UMPS: variants seen among roughly 807,000 people sequenced by gnomAD.
UMPS encodes the protein uridine 5'-monophosphate synthase.
A neutral mutation model predicts 38.9 loss-of-function variants in UMPS; 21 were observed. The ratio of observed to expected loss-of-function variants is 0.54; its 90% CI spans 0.38 to 0.78. UMPS has a LOEUF of 0.78. Ranked by LOEUF, UMPS falls within the 30% of genes least tolerant of loss-of-function variation. The pLI is 0.00. For synonymous variants in UMPS, 208 were observed against 219.3 expected (o/e 0.95, Z 0.45); for missense variants, 533 against 591.6 (o/e 0.90, Z 1.03).
In UMPS at chr3:124,733,601, G is replaced by A. The variant is rs1049567556; in HGVS notation, c.157-1492G>A. The A allele has an allele frequency of 2.7e-5, 5 of 188,480 alleles. No homozygotes were observed. The East Asian group carries it at 6.1e-4, about 23-fold the overall frequency. The allele number at this position is 188,480 out of a possible 1,614,324, so 11.7% of individuals were successfully genotyped here. A position where few individuals can be genotyped will look rare whatever the true frequency, so the allele number is the denominator to read the frequency against. ...AACATAGGAGGCAAAGTTGCTCACT[G>A]CAGTAATGTCCCTGACTGCTGCGGC... On this transcript the variant is annotated intron_variant, in intron 1 of 5. Transcript: ENST00000232607.
Position 124,730,470 on chromosome 3 carries a change from C to G in UMPS, c.-2C>G, listed in dbSNP as rs1312308253. On this transcript the variant is annotated 5_prime_UTR_variant, in exon 1 of 6. Transcript: ENST00000232607. ...TTTGAAGCAAACAGGCAGCGCGCGA[C>G]AATGGCGGTCGCTCGTGCAGCTTTG... The G allele has an allele frequency of 6.2e-7, 1 of 1,613,974 alleles. No individual in the cohort carries two copies. The highest frequency in any genetic ancestry group is 8.5e-7 in the Non-Finnish European group (1 of 1,179,966).
intron 4 of UMPS, among the ~76,000 whole-genome samples, chr3:124,741,807 G>A (rs1445661858): frequency 6.6e-6 from 1 of 152,166 alleles, no homozygotes; most frequent in African/African-American, 2.4e-5. Context: ...GAGTCTTAAT[G>A]AAGCAGATGT....
chr3:124,731,432 G>C, intron 1 of UMPS: 2 of 353,248 alleles, frequency 5.7e-6, no homozygotes, highest in South Asian at 4.8e-5. Context: ...TAATGTACCT[G>C]GAATGTGTGA....
rs940517789 is a variant in UMPS, at chr3:124,747,915, C to G, written c.*3831C>G. The G allele has an allele frequency of 6.6e-6, 3 of 453,802 alleles. No homozygotes were observed. Among genetic ancestry groups the G allele is most frequent in the African/African-American group, 2.0e-5 (1 of 49,988 alleles). The allele number at this position is 453,802 out of a possible 1,614,324, so 28.1% of individuals were successfully genotyped here. The stretch of plus-strand genomic sequence containing the variant: ...GACCATGAGTAACCCTGTGGACTCT[C>G]TGCAGCTTGGTTCCTTTGCCCCTTA... On this transcript the variant is annotated 3_prime_UTR_variant, in exon 6 of 6. Transcript: ENST00000232607.
rs143565655 is a variant in UMPS, at chr3:124,748,863, A to T, written c.*4779A>T. 12 of 418,914 alleles carry T rather than the reference A, an allele frequency of 2.9e-5. No individual in the cohort carries two copies. The highest frequency in any genetic ancestry group is 2.0e-4 in the African/African-American group (10 of 48,792). The allele number at this position is 418,914 out of a possible 1,614,324, so 25.9% of individuals were successfully genotyped here. ...AGCTGAATTCTCCTGTTTTTCTGAA[A>T]AGGGCATGGGAGTTAGCTGAGAAGC... On this transcript the variant is annotated 3_prime_UTR_variant, in exon 6 of 6. Coordinates refer to ENST00000232607, the MANE Select transcript of UMPS (RefSeq NM_000373.4).
chr3:124,747,199 A>T lies in UMPS; in HGVS notation c.*3115A>T, dbSNP rs1392510821. On this transcript the variant is annotated 3_prime_UTR_variant, in exon 6 of 6. Coordinates refer to ENST00000232607, the MANE Select transcript of UMPS (RefSeq NM_000373.4). ...ACCACCACAGCTGGTTAATTTTTAA[A>T]ATTTTTTGTAGAGACGGTGGAGGAG... The T allele has an allele frequency of 8.8e-6, 4 of 453,340 alleles. No individual in the cohort carries two copies. The East Asian group carries it at 2.8e-4, about 32-fold the overall frequency. The allele number at this position is 453,340 out of a possible 1,614,324, so 28.1% of individuals were successfully genotyped here.
chr3:124,732,967 GGTGTGT>G (rs61383415), intron 1 of UMPS, among the ~76,000 whole-genome samples: 9 of 147,734 alleles, frequency 6.1e-5, no homozygotes, highest in African/African-American at 2.0e-4. Flanking sequence ...ACTAGATCAT[GGTGTGT>G]GTGTGTGTGT....
Position 124,738,116 on chromosome 3 carries a change from T to C in UMPS, c.859T>C (p.Leu287=), listed in dbSNP as rs17843819. ...CATGCTGAAGACTCATGTAGATATTTTGAATGATTTTACTCTGGATGTGAT... is the reference window on the plus strand; with the variant it reads ...CATGCTGAAGACTCATGTAGATATTCTGAATGATTTTACTCTGGATGTGAT... The part of the protein sequence containing the change: ...ICMLKTHVDI[L]NDFTLDVMKE... Residue 287 remains leucine, a synonymous_variant, in exon 3 of 6, where the codon TTG becomes CTG. Transcript: ENST00000232607. 7.4e-6 allele frequency: 12 copies of C among 1,614,100 alleles called. No homozygotes were observed. Among genetic ancestry groups the C allele is most frequent in the South Asian group, 2.2e-5 (2 of 91,086 alleles).
At chr3:124,738,788 TTTTTC>T (rs1256830807) in intron 3 of UMPS, 5 of 155,144 alleles carry the variant, frequency 3.2e-5, no homozygotes, top group African/African-American at 1.2e-4. Context: ...TATTTAAAGA[TTTTTC>T]TTTTATCAAA....
At position 124,746,859 on chromosome 3, in the gene UMPS, T is replaced by C. The variant is rs2063605074; in HGVS notation, c.*2775T>C. On this transcript the variant is annotated 3_prime_UTR_variant, in exon 6 of 6. Coordinates refer to ENST00000232607, the MANE Select transcript of UMPS (RefSeq NM_000373.4). ...CTATTTGGTGCACTTCCTCTTATTT[T>C]AGAGCTCCCAAAGTGTAGCTCCAGA... is the stretch of plus-strand genomic sequence containing the variant. 2.2e-6 allele frequency: 1 copy of C among 452,792 alleles called. No individual in the cohort carries two copies. The highest frequency in any genetic ancestry group is 4.4e-6 in the Non-Finnish European group (1 of 225,910). 28.0% of individuals were successfully genotyped at this position (452,792 alleles called of 1,614,324 possible). A position where few individuals can be genotyped will look rare whatever the true frequency, so the allele number is the denominator to read the frequency against.
At chr3:124,730,962 C>G (rs902601169) in intron 1 of UMPS, among the ~76,000 whole-genome samples, 1 of 152,140 alleles carries the variant, frequency 6.6e-6, no homozygotes, top group Non-Finnish European at 1.5e-5. Context: ...GGCGTGGTGC[C>G]TCATGAGAGT....
At chr3:124,741,043 G>A (rs886348789) in intron 4 of UMPS, among the ~76,000 whole-genome samples, 8 of 152,090 alleles carry the variant, frequency 5.3e-5, no homozygotes, top group Admixed American at 4.6e-4. Flanking sequence ...TAGAAGTAAA[G>A]GATTTCCATT....
rs1487173053 is a variant in UMPS, at chr3:124,746,921, G to A, written c.*2837G>A. ...ATATGCTCAGTCTCACAGCCAGCCT[G>A]TGGATCTCAGTCCCAACACTCACCC... On this transcript the variant is annotated 3_prime_UTR_variant, in exon 6 of 6. Coordinates refer to ENST00000232607, the MANE Select transcript of UMPS (RefSeq NM_000373.4). 2.2e-6 allele frequency: 1 copy of A among 453,870 alleles called. No individual in the cohort carries two copies. The allele number at this position is 453,870 out of a possible 1,614,324, so 28.1% of individuals were successfully genotyped here.
intron 5 of UMPS, among the ~76,000 whole-genome samples, chr3:124,743,447 C>T (rs1413552283): frequency 6.6e-6 from 1 of 151,528 alleles, no homozygotes; most frequent in Non-Finnish European, 1.5e-5. Context: ...ACCATCCTGG[C>T]TAACACGGTG....
chr3:124,742,697 A>G (rs9832767), intron 5 of UMPS: 5,480 of 171,806 alleles, frequency 0.032, 175 homozygotes, highest in African/African-American at 0.079. Flanking sequence ...ATGCTTCTGA[A>G]ACAGCGGAAT....
chr3:124,737,705 A>G lies in UMPS; in HGVS notation c.448A>G (p.Ile150Val), dbSNP rs2063527354. 3 of 1,614,224 alleles carry G rather than the reference A, an allele frequency of 1.9e-6. No homozygotes were observed. Among genetic ancestry groups the G allele is most frequent in the Non-Finnish European group, 2.5e-6 (3 of 1,180,038 alleles). ...GGAGGGCTTGAAGGTCACTGATGCC[A>G]TAGTGCTGTTGGACAGAGAGCAGGG... is the stretch of plus-strand genomic sequence containing the variant. ...QKEGLKVTDAIVLLDREQGGK... is the reference protein window; with the variant it reads ...QKEGLKVTDAVVLLDREQGGK... The change falls in exon 3 of 6, where the codon ATA becomes GTA. Residue 150 changes from isoleucine to valine, a missense_variant. Transcript: ENST00000232607.
Position 124,745,944 on chromosome 3 carries a change from T to G in UMPS, c.*1860T>G. The G allele has an allele frequency of 2.2e-6, 1 of 454,096 alleles. No individual in the cohort carries two copies. Among genetic ancestry groups the G allele is most frequent in the Non-Finnish European group, 4.4e-6 (1 of 226,784 alleles). The allele number at this position is 454,096 out of a possible 1,614,324, so 28.1% of individuals were successfully genotyped here. A position where few individuals can be genotyped will look rare whatever the true frequency, so the allele number is the denominator to read the frequency against. On this transcript the variant is annotated 3_prime_UTR_variant, in exon 6 of 6. Coordinates refer to ENST00000232607, the MANE Select transcript of UMPS (RefSeq NM_000373.4). ...CAGGTACCAGCCCCACCCGCAGCGTTTCTGACTCTGGGTAGCTCTGGGATG... is the reference window on the plus strand; with the variant it reads ...CAGGTACCAGCCCCACCCGCAGCGTGTCTGACTCTGGGTAGCTCTGGGATG...
rs1273862802 is a variant in UMPS, at chr3:124,745,928, GCCCCAC to G, written c.*1847_*1852del. 2.2e-6 allele frequency: 1 copy of G among 453,970 alleles called. No homozygotes were observed. Among genetic ancestry groups the G allele is most frequent in the Non-Finnish European group, 4.4e-6 (1 of 226,776 alleles). 28.1% of individuals were successfully genotyped at this position (453,970 alleles called of 1,614,324 possible). On this transcript the variant is annotated 3_prime_UTR_variant, in exon 6 of 6. Coordinates refer to ENST00000232607, the MANE Select transcript of UMPS (RefSeq NM_000373.4). The stretch of plus-strand genomic sequence containing the variant: ...TGGAGTCTTGTCAAAACAGGTACCA[GCCCCAC>G]CCGCAGCGTTTCTGACTCTGGGTAG...
chr3:124,744,898 C>T lies in UMPS; in HGVS notation c.*814C>T, dbSNP rs763914466. The T allele has an allele frequency of 6.6e-5, 30 of 454,076 alleles. No homozygotes were observed. The highest frequency in any genetic ancestry group is 6.9e-4 in the Middle Eastern group (1 of 1,444). 28.1% of individuals were successfully genotyped at this position (454,076 alleles called of 1,614,324 possible). ...GCTGGTTCCCAGAACTGCCATTGCTCACTCTCCAAAGAGGGGAAGGTGGGG... is the reference window on the plus strand; with the variant it reads ...GCTGGTTCCCAGAACTGCCATTGCTTACTCTCCAAAGAGGGGAAGGTGGGG... On this transcript the variant is annotated 3_prime_UTR_variant, in exon 6 of 6. Coordinates refer to ENST00000232607, the MANE Select transcript of UMPS (RefSeq NM_000373.4).
Sources: gnomAD v4.1 joint callset for allele counts (sites outside exome capture counted in the v4.1 genomes callset) on GRCh38, gnomAD v4.1.1 for gene constraint, MANE v1.5 for transcripts, NCBI Gene and HGNC (gene_info 2026-07-23, HGNC 2026-07-21) for gene names.